COTL1: variants seen among roughly 807,000 people sequenced by gnomAD.
COTL1 encodes the protein coactosin-like protein.
A neutral mutation model predicts 16.5 loss-of-function variants in COTL1; 15 were observed. The ratio of observed to expected loss-of-function variants is 0.91; its 90% CI spans 0.61 to 1.40. COTL1 has a LOEUF of 1.40. Among genes scored for constraint, COTL1 ranks in the 40% most tolerant of loss-of-function variants. The pLI, the probability that COTL1 is intolerant of heterozygous loss-of-function variation, is 0.00. For synonymous variants in COTL1, 112 were observed against 85.3 expected (o/e 1.31, Z -1.73); for missense variants, 220 against 201.5 (o/e 1.09, Z -0.56).
chr16:84,582,241 C>G (rs1458474793), intron 3 of COTL1, among the ~76,000 whole-genome samples: 1 of 151,914 alleles, frequency 6.6e-6, no homozygotes, highest in Non-Finnish European at 1.5e-5. Context: ...GTGATCCACC[C>G]ACCTCGGCCT....
In COTL1 at chr16:84,565,798, A is replaced by T. The variant is rs1047121; in HGVS notation, c.*1047T>A. 0.3 allele frequency: 45,135 copies of T among 152,300 alleles called. 7,351 individuals are homozygous for T. Among genetic ancestry groups the T allele is most frequent in the Middle Eastern group, 0.44 (128 of 294 alleles). 9.4% of individuals were successfully genotyped at this position (152,300 alleles called of 1,614,324 possible). On this transcript the variant is annotated 3_prime_UTR_variant, in exon 4 of 4. Transcript: ENST00000262428. Reference sequence around the variant, plus strand: ...AAACAAAACAAAACGATCCTTTTGAATGTGTGGTGCAGACGCAGGACTGAA... The same window carrying T: ...AAACAAAACAAAACGATCCTTTTGATTGTGTGGTGCAGACGCAGGACTGAA...
At chr16:84,583,671 G>A (rs541668832) in intron 3 of COTL1, among the ~76,000 whole-genome samples, 56 of 151,908 alleles carry the variant, frequency 3.7e-4, no homozygotes, top group African/African-American at 1.3e-3. Context: ...TGTTGACCAG[G>A]CTGGTCTCCA....
intron 2 of COTL1, among the ~76,000 whole-genome samples, chr16:84,615,702 T>G (rs917757986): frequency 3.3e-5 from 5 of 152,146 alleles, no homozygotes; most frequent in African/African-American, 1.2e-4. Context: ...AGCATTCAAC[T>G]ACAGAGGCGG....
chr16:84,606,502 C>G (rs1384878216), intron 2 of COTL1, among the ~76,000 whole-genome samples: 3 of 152,248 alleles, frequency 2.0e-5, no homozygotes, highest in Admixed American at 2.0e-4. Flanking sequence ...CCAGGAAAGT[C>G]ACAAGATAAA....
chr16:84,568,145 C>G (rs2150678530), intron 3 of COTL1: 1 of 152,332 alleles, frequency 6.6e-6, no homozygotes, highest in South Asian at 2.1e-4. Context: ...CTACAGGCGT[C>G]TGCCACCACA....
intron 3 of COTL1, among the ~76,000 whole-genome samples, chr16:84,587,508 G>A (rs1196949694): frequency 6.6e-6 from 1 of 152,066 alleles, no homozygotes; most frequent in African/African-American, 2.4e-5. Context: ...CAAGAACAGG[G>A]GAACATTTAG....
At chr16:84,617,271 G>A (rs975473036) in intron 2 of COTL1, among the ~76,000 whole-genome samples, 2 of 152,194 alleles carry the variant, frequency 1.3e-5, no homozygotes, top group African/African-American at 2.4e-5. Context: ...GCCTGGAGAA[G>A]GCATTGTAGG....
intron 2 of COTL1, among the ~76,000 whole-genome samples, chr16:84,591,842 T>C (rs1904875677): frequency 6.8e-6 from 1 of 146,884 alleles, no homozygotes. Context: ...TAAAATAAAA[T>C]AAAATAAAAT....
At chr16:84,613,156 T>G (rs915357083) in intron 2 of COTL1, among the ~76,000 whole-genome samples, 5 of 152,040 alleles carry the variant, frequency 3.3e-5, no homozygotes, top group African/African-American at 1.2e-4. Context: ...CCGGCCACCA[T>G]GCCTGGCTAA....
At chr16:84,607,537 G>C (rs539418157) in intron 2 of COTL1, among the ~76,000 whole-genome samples, 46 of 152,288 alleles carry the variant, frequency 3.0e-4, no homozygotes, top group African/African-American at 1.1e-3. Flanking sequence ...AGATAAATTA[G>C]ATAAACTAAC....
chr16:84,605,488 T>C (rs900962349), intron 2 of COTL1, among the ~76,000 whole-genome samples: 3 of 152,176 alleles, frequency 2.0e-5, no homozygotes, highest in African/African-American at 7.2e-5. Context: ...GAGGGTGTGG[T>C]TAAGGTAAGG....
At chr16:84,611,082 T>C (rs998928665) in intron 2 of COTL1, among the ~76,000 whole-genome samples, 1 of 152,200 alleles carries the variant, frequency 6.6e-6, no homozygotes, top group South Asian at 2.1e-4. Flanking sequence ...CTACATGCAA[T>C]CATTATCCCC....
chr16:84,601,260 T>C (rs1041841187), intron 2 of COTL1, among the ~76,000 whole-genome samples: 5 of 152,114 alleles, frequency 3.3e-5, no homozygotes, highest in Admixed American at 3.3e-4. Flanking sequence ...TTGCTGAAAA[T>C]GCAATCCCTA....
chr16:84,598,382 C>G (rs985569117), intron 2 of COTL1, among the ~76,000 whole-genome samples: 38 of 152,180 alleles, frequency 2.5e-4, no homozygotes, highest in Non-Finnish European at 1.5e-4. Context: ...AAGGGAGCCT[C>G]AGTCCAATGC....
intron 2 of COTL1, chr16:84,594,780 C>T (rs1457579348): frequency 1.3e-5 from 2 of 152,334 alleles, no homozygotes; most frequent in Non-Finnish European, 2.9e-5. Flanking sequence ...GGACCTCAAC[C>T]ATGTGTTCAG....
intron 2 of COTL1, among the ~76,000 whole-genome samples, chr16:84,612,021 C>A (rs1320788892): frequency 6.6e-6 from 1 of 152,140 alleles, no homozygotes; most frequent in Non-Finnish European, 1.5e-5. Context: ...CAGCTCAGCA[C>A]CCATTTCCTT....
At chr16:84,572,764 TAGAC>T (rs1481930246) in intron 3 of COTL1, among the ~76,000 whole-genome samples, 2 of 151,268 alleles carry the variant, frequency 1.3e-5, no homozygotes, top group South Asian at 2.1e-4. Context: ...TTTTTTTTCT[TAGAC>T]AGGTCTCACT....
chr16:84,598,888 A>T (rs1305645872), intron 2 of COTL1, among the ~76,000 whole-genome samples: 5 of 151,560 alleles, frequency 3.3e-5, no homozygotes, highest in East Asian at 1.9e-4. Context: ...GCTGCTGGGC[A>T]GTCAAAGGGA....
intron 3 of COTL1, among the ~76,000 whole-genome samples, chr16:84,571,325 T>C (rs1904333209): frequency 6.6e-6 from 1 of 152,152 alleles, no homozygotes; most frequent in Non-Finnish European, 1.5e-5. Flanking sequence ...AGGTCCGGGC[T>C]CCCTCTGGGC....
Sources: gnomAD v4.1 joint callset for allele counts (sites outside exome capture counted in the v4.1 genomes callset) on GRCh38, gnomAD v4.1.1 for gene constraint, MANE v1.5 for transcripts, NCBI Gene and HGNC (gene_info 2026-07-23, HGNC 2026-07-21) for gene names.